Variants in FHIT observed in about 807,000 individuals in gnomAD.
FHIT encodes bis(5'-adenosyl)-triphosphatase.
In FHIT, 19 loss-of-function variants were observed where a neutral mutation model predicts 17.9. The observed-to-expected ratio is 1.06, with a 90% confidence interval of 0.74 to 1.56. The LOEUF (loss-of-function observed/expected upper bound fraction) is 1.56. Among genes scored for constraint, FHIT ranks in the 40% most tolerant of loss-of-function variants. FHIT has a pLI of 0.00. For missense variants in FHIT, 248 were observed against 189.2 expected (o/e 1.31, Z -1.82); for synonymous variants, 81 against 69.7 (o/e 1.16, Z -0.81).
intron 3 of FHIT, among the ~76,000 whole-genome samples, chr3:60,898,763 A>G (rs1553762479): frequency 6.6e-6 from 1 of 152,136 alleles, no homozygotes; most frequent in African/African-American, 2.4e-5. Flanking sequence ...ACAGCCCTTC[A>G]CATTCTTCAG....
At chr3:61,143,288 A>G (rs2037137111) in intron 2 of FHIT, among the ~76,000 whole-genome samples, 1 of 152,204 alleles carries the variant, frequency 6.6e-6, no homozygotes, top group South Asian at 2.1e-4. Context: ...CATGAGTACA[A>G]CTTGGTATAA....
chr3:60,097,851 C>G (rs1302348079), intron 5 of FHIT, among the ~76,000 whole-genome samples: 7 of 142,380 alleles, frequency 4.9e-5, no homozygotes, highest in Non-Finnish European at 7.7e-5. Flanking sequence ...TCTCCTAATG[C>G]TATCCCTCCC....
At chr3:60,223,079 T>C (rs1418035871) in intron 5 of FHIT, among the ~76,000 whole-genome samples, 1 of 152,126 alleles carries the variant, frequency 6.6e-6, no homozygotes, top group Non-Finnish European at 1.5e-5. Context: ...TCTACAATAG[T>C]CTCCTCCAAC....
chr3:59,974,971 G>C (rs747374343), intron 7 of FHIT, among the ~76,000 whole-genome samples: 7 of 152,090 alleles, frequency 4.6e-5, no homozygotes, highest in Non-Finnish European at 1.0e-4. Flanking sequence ...GCCTTCTCTA[G>C]TCCCTGTTCT....
intron 3 of FHIT, among the ~76,000 whole-genome samples, chr3:60,990,755 C>T (rs1214353611): frequency 6.6e-6 from 1 of 152,188 alleles, no homozygotes; most frequent in Non-Finnish European, 1.5e-5. Context: ...CAGCTCCCCT[C>T]CTGCCTTCAT....
intron 5 of FHIT, among the ~76,000 whole-genome samples, chr3:60,252,556 T>C (rs955127541): frequency 1.3e-5 from 2 of 151,890 alleles, no homozygotes; most frequent in Non-Finnish European, 2.9e-5. Context: ...AGTGAAACTC[T>C]GCCTCGAAAA....
intron 5 of FHIT, among the ~76,000 whole-genome samples, chr3:60,317,866 C>T (rs555068023): frequency 1.3e-5 from 2 of 151,078 alleles, no homozygotes; most frequent in East Asian, 1.9e-4. Context: ...TCTTTGCTCA[C>T]TGCAACCTCC....
At chr3:59,965,329 T>C (rs1464447503) in intron 7 of FHIT, among the ~76,000 whole-genome samples, 1 of 152,120 alleles carries the variant, frequency 6.6e-6, no homozygotes, top group African/African-American at 2.4e-5. Context: ...AACACATGCA[T>C]ATATATGTGA....
chr3:60,508,521 T>C (rs2034825149), intron 5 of FHIT, among the ~76,000 whole-genome samples: 1 of 152,242 alleles, frequency 6.6e-6, no homozygotes, highest in Admixed American at 6.5e-5. Flanking sequence ...GAAAACTCTT[T>C]GGACAAGTGA....
intron 5 of FHIT, among the ~76,000 whole-genome samples, chr3:60,252,941 T>A (rs1705801603): frequency 1.3e-5 from 2 of 152,126 alleles, no homozygotes; most frequent in Admixed American, 6.5e-5. Flanking sequence ...GAGCTTGCAG[T>A]GAGCCGAGAT....
chr3:60,622,367 A>ATT (rs529690293), intron 4 of FHIT, among the ~76,000 whole-genome samples: 68 of 150,092 alleles, frequency 4.5e-4, no homozygotes, highest in Non-Finnish European at 6.4e-4. Flanking sequence ...ACAAATCTAG[A>ATT]TTTTTTTTTT....
chr3:59,983,957 G>GGA (rs1708772125), intron 7 of FHIT, among the ~76,000 whole-genome samples: 1 of 151,804 alleles, frequency 6.6e-6, no homozygotes. Flanking sequence ...AAGTGATAGG[G>GGA]CAAAGAACAT....
At chr3:61,181,175 A>G (rs2038329183) in intron 2 of FHIT, among the ~76,000 whole-genome samples, 2 of 152,218 alleles carry the variant, frequency 1.3e-5, no homozygotes, top group African/African-American at 4.8e-5. Flanking sequence ...GTCAACGGAA[A>G]GAAGAATTTA....
At chr3:59,966,451 T>C (rs1030382000) in intron 7 of FHIT, among the ~76,000 whole-genome samples, 3 of 152,196 alleles carry the variant, frequency 2.0e-5, no homozygotes, top group African/African-American at 7.2e-5. Context: ...CTGAGAAGTA[T>C]ACTAGTATAT....
At chr3:60,097,701 TTTC>T (rs1429139145) in intron 5 of FHIT, among the ~76,000 whole-genome samples, 2 of 151,808 alleles carry the variant, frequency 1.3e-5, no homozygotes, top group African/African-American at 4.9e-5. Flanking sequence ...CAATTAATTT[TTTC>T]TTTTTTTTAA....
chr3:60,851,132 C>T (rs1234648653), intron 3 of FHIT, among the ~76,000 whole-genome samples: 6 of 152,152 alleles, frequency 3.9e-5, no homozygotes, highest in African/African-American at 1.4e-4. Flanking sequence ...TTAACATTTA[C>T]TGTTAAGAAA....
intron 5 of FHIT, among the ~76,000 whole-genome samples, chr3:60,018,108 T>G (rs1181377563): frequency 6.6e-6 from 1 of 152,200 alleles, no homozygotes; most frequent in Admixed American, 6.5e-5. Flanking sequence ...GCTTCTGAAT[T>G]TGGTGGAGGC....
chr3:60,644,792 C>A (rs1553686300), intron 4 of FHIT, among the ~76,000 whole-genome samples: 1 of 152,166 alleles, frequency 6.6e-6, no homozygotes, highest in Non-Finnish European at 1.5e-5. Flanking sequence ...TTCCCCTTCT[C>A]AGCTTGGCCC....
intron 7 of FHIT, among the ~76,000 whole-genome samples, chr3:59,991,829 T>C (rs1699281595): frequency 6.6e-6 from 1 of 151,984 alleles, no homozygotes; most frequent in South Asian, 2.1e-4. Context: ...TGCCAGTCCC[T>C]TTGCAGAGAA....
Sources: allele counts gnomAD v4.1 joint callset (sites outside exome capture counted in the v4.1 genomes callset), GRCh38; gene constraint gnomAD v4.1.1; transcripts MANE v1.5; gene names NCBI Gene and HGNC (gene_info 2026-07-23, HGNC 2026-07-21).